GRM8: variants seen among roughly 807,000 people sequenced by gnomAD.
The protein encoded by GRM8 is metabotropic glutamate receptor 8.
In GRM8, 47 loss-of-function variants were observed where a neutral mutation model predicts 87.2. That is an observed-to-expected ratio of 0.54 (90% CI 0.43 to 0.69). The LOEUF (loss-of-function observed/expected upper bound fraction) is 0.69. GRM8 is among the 30% of genes least tolerant of loss of function. GRM8 has a pLI of 0.00. For missense variants in GRM8, 1,019 were observed against 1,139.2 expected, an observed-to-expected ratio of 0.89 and a Z score of 1.52; for synonymous variants, 396 against 404.5, an observed-to-expected ratio of 0.98 and a Z score of 0.25.
intron 7 of GRM8, among the ~76,000 whole-genome samples, chr7:126,670,656 T>C (rs537139903): frequency 1.3e-5 from 2 of 152,280 alleles, no homozygotes; most frequent in South Asian, 2.1e-4. Flanking sequence ...GACTGTAACA[T>C]TGGAATAAAG....
chr7:126,679,060 C>T (rs759877186), intron 7 of GRM8, among the ~76,000 whole-genome samples: 3 of 152,136 alleles, frequency 2.0e-5, no homozygotes, highest in Non-Finnish European at 2.9e-5. Flanking sequence ...ATTTTGCCAC[C>T]ATTTTTTTTC....
At chr7:127,050,454 C>A (rs1266546496) in intron 3 of GRM8, among the ~76,000 whole-genome samples, 4 of 152,174 alleles carry the variant, frequency 2.6e-5, no homozygotes, top group Admixed American at 2.0e-4. Flanking sequence ...ATTCTCCCTA[C>A]CAACCTGAAT....
At chr7:127,033,420 T>G (rs773325837) in intron 3 of GRM8, among the ~76,000 whole-genome samples, 2 of 152,118 alleles carry the variant, frequency 1.3e-5, no homozygotes, top group Non-Finnish European at 2.9e-5. Context: ...ATAATATTAA[T>G]TATAATTGTA....
intron 3 of GRM8, among the ~76,000 whole-genome samples, chr7:126,966,507 C>A (rs1340262241): frequency 6.6e-6 from 1 of 152,060 alleles, no homozygotes; most frequent in Non-Finnish European, 1.5e-5. Flanking sequence ...CATCAGCTTG[C>A]ATGCTGGAAA....
chr7:126,935,502 T>A (rs1380854808), intron 3 of GRM8, among the ~76,000 whole-genome samples: 1 of 152,182 alleles, frequency 6.6e-6, no homozygotes, highest in Non-Finnish European at 1.5e-5. Flanking sequence ...TAGAAAAGTA[T>A]GTTATCAGAG....
At chr7:126,985,738 A>G (rs897539692) in intron 3 of GRM8, among the ~76,000 whole-genome samples, 6 of 152,102 alleles carry the variant, frequency 3.9e-5, no homozygotes, top group African/African-American at 1.4e-4. Context: ...ACCACCAGTC[A>G]CTTCTGATGA....
At chr7:127,207,306 T>C (rs1382154967) in intron 2 of GRM8, among the ~76,000 whole-genome samples, 3 of 152,216 alleles carry the variant, frequency 2.0e-5, no homozygotes, top group Non-Finnish European at 4.4e-5. Context: ...AAGTTTTCTA[T>C]GTGTCTCGGT....
At chr7:127,011,182 A>G (rs760176504) in intron 3 of GRM8, among the ~76,000 whole-genome samples, 56 of 152,154 alleles carry the variant, frequency 3.7e-4, no homozygotes, top group Non-Finnish European at 7.9e-4. Flanking sequence ...ACAAAATAGC[A>G]CAACCTTAAA....
rs371143187 is a variant in GRM8 at position 126,992,095 on chromosome 7, T to C, written c.728-87412A>G. Among the ~76,000 whole-genome samples the C allele has an allele frequency of 1.6e-4, 25 of 152,292 alleles. No homozygotes were observed. In the South Asian group the frequency reaches 4.8e-3, roughly 29 times the overall value. On this transcript the variant is annotated intron_variant, in intron 3 of 10. Coordinates refer to ENST00000339582, the MANE Select transcript of GRM8 (RefSeq NM_000845.3). ...TACTATAACCAGTGATTACAGAATC[T>C]GAGTAAGGAAAAAAACTGTAGCCAA... is the stretch of plus-strand genomic sequence containing the variant.
At chr7:126,474,742 T>A (rs1391512490) in intron 9 of GRM8, among the ~76,000 whole-genome samples, 1 of 152,098 alleles carries the variant, frequency 6.6e-6, no homozygotes, top group African/African-American at 2.4e-5. Flanking sequence ...ATAAGACTGG[T>A]ATGTAAGAAA....
At chr7:127,096,390 T>G (rs1824657474) in intron 3 of GRM8, among the ~76,000 whole-genome samples, 2 of 151,944 alleles carry the variant, frequency 1.3e-5, no homozygotes, top group South Asian at 4.2e-4. Flanking sequence ...TGAAACCCTA[T>G]CTCTACTAAA....
intron 6 of GRM8, among the ~76,000 whole-genome samples, chr7:126,896,959 T>C (rs977733107): frequency 3.9e-5 from 6 of 152,152 alleles, no homozygotes; most frequent in Non-Finnish European, 7.4e-5. Context: ...GTTGTTTGTC[T>C]CTCTATCTGA....
intron 3 of GRM8, among the ~76,000 whole-genome samples, chr7:126,984,173 T>A (rs868811364): frequency 1.3e-5 from 2 of 152,228 alleles, no homozygotes; most frequent in Non-Finnish European, 2.9e-5. Flanking sequence ...GAAGGATAGT[T>A]GTATTATGTT....
chr7:126,651,650 A>T (rs1803884173), intron 7 of GRM8, among the ~76,000 whole-genome samples: 1 of 152,192 alleles, frequency 6.6e-6, no homozygotes, highest in Non-Finnish European at 1.5e-5. Context: ...CTGGATGTTA[A>T]GATTGCCACC....
At chr7:126,675,321 G>C (rs1437322798) in intron 7 of GRM8, among the ~76,000 whole-genome samples, 1 of 151,980 alleles carries the variant, frequency 6.6e-6, no homozygotes, top group Non-Finnish European at 1.5e-5. Flanking sequence ...TATTCAAAAA[G>C]AATTGGTACC....
chr7:126,969,066 ACACACATT>A (rs2131747311), intron 3 of GRM8, among the ~76,000 whole-genome samples: 2 of 152,356 alleles, frequency 1.3e-5, no homozygotes, highest in East Asian at 3.9e-4. Flanking sequence ...CAAAAAATGT[ACACACATT>A]AACTTTAAAA....
intron 7 of GRM8, among the ~76,000 whole-genome samples, chr7:126,629,903 A>G (rs930578869): frequency 6.6e-6 from 1 of 152,184 alleles, no homozygotes; most frequent in African/African-American, 2.4e-5. Flanking sequence ...CTTTAGCATA[A>G]TCCTTTCAGA....
chr7:126,841,931 C>A (rs1181112039), intron 6 of GRM8, among the ~76,000 whole-genome samples: 1 of 151,954 alleles, frequency 6.6e-6, no homozygotes, highest in Non-Finnish European at 1.5e-5. Context: ...CGTGACCGGC[C>A]CCAGCCTTTA....
chr7:126,735,910 T>C (rs982260605), intron 7 of GRM8, among the ~76,000 whole-genome samples: 1 of 152,068 alleles, frequency 6.6e-6, no homozygotes, highest in Non-Finnish European at 1.5e-5. Flanking sequence ...GCATTACCCA[T>C]CTTTCTTTCC....
Sources: gnomAD v4.1 joint callset for allele counts (sites outside exome capture counted in the v4.1 genomes callset) on GRCh38, gnomAD v4.1.1 for gene constraint, MANE v1.5 for transcripts, NCBI Gene and HGNC (gene_info 2026-07-23, HGNC 2026-07-21) for gene names.